Variants in CCSER1 observed in about 807,000 individuals in gnomAD.
The protein encoded by CCSER1 is coiled-coil serine rich protein 1.
CCSER1 carries 41 observed loss-of-function variants against 82.0 expected under a neutral mutation model. That is an observed-to-expected ratio of 0.50 (90% CI 0.39 to 0.65). The LOEUF is 0.65. Among genes scored for constraint, CCSER1 ranks in the 30% least tolerant of loss-of-function variants. The pLI, the probability that CCSER1 is intolerant of heterozygous loss-of-function variation, is 0.00. For missense variants in CCSER1, 1,119 were observed against 1,064.2 expected (o/e 1.05, Z -0.72); for synonymous variants, 414 against 383.9 (o/e 1.08, Z -0.92).
At chr4:91,093,642 C>T (rs1360294532) in intron 10 of CCSER1, among the ~76,000 whole-genome samples, 1 of 152,188 alleles carries the variant, frequency 6.6e-6, no homozygotes, top group East Asian at 1.9e-4. Flanking sequence ...GAGAGGTAGG[C>T]CACTGGTCTT....
intron 1 of CCSER1, among the ~76,000 whole-genome samples, chr4:90,278,309 C>G (rs932704090): frequency 2.6e-5 from 4 of 152,044 alleles, no homozygotes; most frequent in Non-Finnish European, 5.9e-5. Context: ...CCATTCAACC[C>G]AGCAATCCCA....
At chr4:90,418,287 T>C (rs1290346930) in intron 4 of CCSER1, among the ~76,000 whole-genome samples, 1 of 152,088 alleles carries the variant, frequency 6.6e-6, no homozygotes, top group Non-Finnish European at 1.5e-5. Context: ...AAATGTGATA[T>C]ACCTGTATGT....
chr4:91,140,349 A>G (rs1000595811), intron 10 of CCSER1, among the ~76,000 whole-genome samples: 3 of 151,942 alleles, frequency 2.0e-5, no homozygotes, highest in Admixed American at 6.6e-5. Flanking sequence ...TAAGATATCA[A>G]TTTATTGGTA....
chr4:91,122,666 A>T lies in CCSER1; in HGVS notation c.2217+36672A>T, dbSNP rs575523247. Among the ~76,000 whole-genome samples, 24 of 151,894 alleles carry T rather than the reference A, an allele frequency of 1.6e-4. No individual in the cohort carries two copies. The South Asian group carries it at 4.6e-3, about 29-fold the overall frequency. ...CGTTGGAAGTGTTTTTTGCTTTATC[A>T]TTCCAAAGATATACTAGCACATTGA... On this transcript the variant is annotated intron_variant, in intron 10 of 10. Transcript: ENST00000509176.
At chr4:91,339,412 G>GA (rs1390309932) in intron 10 of CCSER1, among the ~76,000 whole-genome samples, 2 of 151,756 alleles carry the variant, frequency 1.3e-5, no homozygotes, top group East Asian at 1.9e-4. Context: ...TTAAGTGAAA[G>GA]AAAAAAAACC....
chr4:91,572,302 C>T (rs1443203795), intron 10 of CCSER1, among the ~76,000 whole-genome samples: 1 of 152,064 alleles, frequency 6.6e-6, no homozygotes, highest in African/African-American at 2.4e-5. Flanking sequence ...TCTCTGGGAG[C>T]TTCATCCTAG....
intron 9 of CCSER1, among the ~76,000 whole-genome samples, chr4:91,005,737 C>G (rs1738446350): frequency 6.6e-6 from 1 of 152,076 alleles, no homozygotes; most frequent in Admixed American, 6.6e-5. Context: ...AGCTTAATAA[C>G]TTTGTGTTGA....
intron 3 of CCSER1, among the ~76,000 whole-genome samples, chr4:90,317,217 G>T (rs565284980): frequency 2.2e-4 from 34 of 152,292 alleles, no homozygotes; most frequent in African/African-American, 7.7e-4. Flanking sequence ...AAAAGTTAAT[G>T]TGAGAGTAGA....
chr4:91,545,028 T>C (rs1223424731), intron 10 of CCSER1, among the ~76,000 whole-genome samples: 1 of 151,990 alleles, frequency 6.6e-6, no homozygotes, highest in Admixed American at 6.6e-5. Context: ...TCAGCAATGG[T>C]GGATGCCCCT....
At chr4:90,533,070 C>CA (rs1774797068) in intron 5 of CCSER1, among the ~76,000 whole-genome samples, 1 of 143,746 alleles carries the variant, frequency 7.0e-6, no homozygotes, top group African/African-American at 2.6e-5. Flanking sequence ...TTTGAATATG[C>CA]AAAATTTCTG....
Position 90,619,328 on chromosome 4 carries a change from C to T in CCSER1, c.1725-8697C>T, listed in dbSNP as rs990348302. 5.3e-5 allele frequency among the ~76,000 whole-genome samples: 8 copies of T among 151,742 alleles called. No individual in the cohort carries two copies. In the South Asian group the frequency reaches 1.2e-3, roughly 24 times the overall value. ...AGGGTGGGAAAATATTCCTGATCCC[C>T]GCAAGAGAAAAATGTGCAGTTTGGA... is the stretch of plus-strand genomic sequence containing the variant. On this transcript the variant is annotated intron_variant, in intron 5 of 10. Transcript: ENST00000509176.
intron 10 of CCSER1, among the ~76,000 whole-genome samples, chr4:91,261,493 A>G (rs903399116): frequency 3.9e-5 from 6 of 152,206 alleles, no homozygotes. Flanking sequence ...TTTTGGAGTC[A>G]TAGTACCTTT....
chr4:91,120,201 C>A (rs1726964848), intron 10 of CCSER1, among the ~76,000 whole-genome samples: 1 of 151,928 alleles, frequency 6.6e-6, no homozygotes, highest in Admixed American at 6.6e-5. Context: ...ATATTAAGTT[C>A]TTGAAAAGAG....
intron 10 of CCSER1, among the ~76,000 whole-genome samples, chr4:91,527,133 A>G (rs960522339): frequency 3.3e-5 from 5 of 152,196 alleles, no homozygotes; most frequent in African/African-American, 1.2e-4. Flanking sequence ...ACATTAACAG[A>G]TCTTTAAAGA....
intron 10 of CCSER1, among the ~76,000 whole-genome samples, chr4:91,107,606 A>C (rs943363278): frequency 6.6e-6 from 1 of 151,150 alleles, no homozygotes; most frequent in Non-Finnish European, 1.5e-5. Context: ...TAGTAACAGG[A>C]ATTTGTTTAA....
rs185572369 is a variant in CCSER1 at position 90,524,007 on chromosome 4, T to A, written c.1724+55653T>A. On this transcript the variant is annotated intron_variant, in intron 5 of 10. Transcript: ENST00000509176. ...TCTTTCCATATATGACTAACAATTC[T>A]AAATATCATTTGTAGTGTTCAAAGT... Among the ~76,000 whole-genome samples the A allele has an allele frequency of 6.7e-4, 102 of 152,234 alleles. 1 individual carries two copies. Among genetic ancestry groups the A allele is most frequent in the Middle Eastern group, 6.8e-3 (2 of 294 alleles).
At chr4:90,578,968 C>G (rs1201512735) in intron 5 of CCSER1, among the ~76,000 whole-genome samples, 1 of 125,576 alleles carries the variant, frequency 8.0e-6, no homozygotes, top group Non-Finnish European at 1.5e-5. Context: ...AAATCATAAT[C>G]TACATATTTT....
intron 5 of CCSER1, among the ~76,000 whole-genome samples, chr4:90,597,015 TCA>T (rs1783419785): frequency 6.6e-6 from 1 of 151,990 alleles, no homozygotes; most frequent in Non-Finnish European, 1.5e-5. Flanking sequence ...AAAATTATTC[TCA>T]GTCATGATTA....
intron 9 of CCSER1, among the ~76,000 whole-genome samples, chr4:90,926,764 T>A (rs922929858): frequency 6.6e-6 from 1 of 152,030 alleles, no homozygotes; most frequent in African/African-American, 2.4e-5. Context: ...AAATAATCAA[T>A]GCCAATTTAA....
Sources: gnomAD v4.1 joint callset for allele counts (sites outside exome capture counted in the v4.1 genomes callset) on GRCh38, gnomAD v4.1.1 for gene constraint, MANE v1.5 for transcripts, NCBI Gene and HGNC (gene_info 2026-07-23, HGNC 2026-07-21) for gene names.